ZC3H7A: variants seen among roughly 807,000 people sequenced by gnomAD.
The protein encoded by ZC3H7A is zinc finger CCCH-type containing 7A.
In ZC3H7A, 44 loss-of-function variants were observed where a neutral mutation model predicts 125.5. The ratio of observed to expected loss-of-function variants is 0.35; its 90% CI spans 0.28 to 0.45. ZC3H7A has a LOEUF of 0.45. Ranked by LOEUF, ZC3H7A falls within the 20% of genes least tolerant of loss-of-function variation. ZC3H7A has a pLI of 1.00. For synonymous variants in ZC3H7A, 399 were observed against 391.2 expected (o/e 1.02, Z -0.23); for missense variants, 977 against 1,170.7 (o/e 0.83, Z 2.41).
chr16:11,791,383 A>G (rs2141222207), intron 1 of ZC3H7A, among the ~76,000 whole-genome samples: 1 of 152,226 alleles, frequency 6.6e-6, no homozygotes, highest in African/African-American at 2.4e-5. Flanking sequence ...AGCTCTTCAC[A>G]GAGCTGCCTC....
chr16:11,756,828 AC>A (rs2052657057), intron 20 of ZC3H7A, among the ~76,000 whole-genome samples: 1 of 152,150 alleles, frequency 6.6e-6, no homozygotes, highest in South Asian at 2.1e-4. Context: ...CTACTACTGG[AC>A]CAAGATTCTG....
chr16:11,751,661 G>C (rs1244559227), intron 22 of ZC3H7A, among the ~76,000 whole-genome samples, 155 bp from the exon 23 acceptor site: 1 of 152,104 alleles, frequency 6.6e-6, no homozygotes, highest in East Asian at 1.9e-4. Flanking sequence ...TTATAGCCAT[G>C]ACATCTACAA....
chr16:11,770,950 C>T lies in ZC3H7A; in HGVS notation c.941G>A (p.Ser314Asn). ...CGAAAAGGGCATGCTAGGAGAGACACTGGCTGTCTGAAGGGGTCCTCTGAC... is the reference window on the plus strand; with the variant it reads ...CGAAAAGGGCATGCTAGGAGAGACATTGGCTGTCTGAAGGGGTCCTCTGAC... ...ALVRGPLQTA[S>N]VSPSMPFSAS... The change falls in exon 10 of 23, where the codon AGT becomes AAT. Residue 314 changes from serine to asparagine, a missense_variant. Transcript: ENST00000355758. 1 of 1,613,528 alleles carries T rather than the reference C, an allele frequency of 6.2e-7. No homozygotes were observed. Among genetic ancestry groups the T allele is most frequent in the Non-Finnish European group, 8.5e-7 (1 of 1,179,726 alleles).
At position 11,765,299 on chromosome 16, in the gene ZC3H7A, T is replaced by C. The variant is rs2052835807; in HGVS notation, c.1720-146A>G. 2 of 660,280 alleles carry C rather than the reference T, an allele frequency of 3.0e-6. No homozygotes were observed. Among genetic ancestry groups the C allele is most frequent in the Admixed American group, 3.8e-5 (1 of 26,568 alleles). The allele number at this position is 660,280 out of a possible 1,614,324, so 40.9% of individuals were successfully genotyped here. On this transcript the variant is annotated intron_variant, in intron 14 of 22. Coordinates refer to ENST00000355758, the MANE Select transcript of ZC3H7A (RefSeq NM_014153.4). The surrounding 1 kb of genome is among the most constrained non-coding windows in gnomAD (Gnocchi z 4.8). ...TTTTGGTAACAGTAATAGCCAACAT[T>C]TACTGAATGAATGTTTTATCACATG...
At position 11,781,472 on chromosome 16, in the gene ZC3H7A, G is replaced by A. The variant is rs779654200; in HGVS notation, c.69-8C>T. On this transcript the variant is annotated splice_polypyrimidine_tract_variant and splice_region_variant and intron_variant, in intron 2 of 22. Transcript: ENST00000355758. ...GGATATGACAGCGGTGACCTAAGAAGAAGAAACAAATTAACTGTAATTATC... is the reference window on the plus strand; with the variant it reads ...GGATATGACAGCGGTGACCTAAGAAAAAGAAACAAATTAACTGTAATTATC... The A allele has an allele frequency of 6.2e-7, 1 of 1,602,142 alleles. No homozygotes were observed. Among genetic ancestry groups the A allele is most frequent in the Non-Finnish European group, 8.5e-7 (1 of 1,171,878 alleles).
At chr16:11,774,675 G>A (rs1412609375) in intron 8 of ZC3H7A, among the ~76,000 whole-genome samples, 156 bp from the exon 9 acceptor site, 2 of 152,144 alleles carry the variant, frequency 1.3e-5, no homozygotes, top group Non-Finnish European at 1.5e-5. Context: ...AACAGATACA[G>A]TCACGTGTGA....
At chr16:11,756,191 C>T (rs751085961) in intron 21 of ZC3H7A, 46 bp downstream of exon 21, 23 of 1,577,708 alleles carry the variant, frequency 1.5e-5, no homozygotes, top group Non-Finnish European at 2.0e-5. Context: ...AGAAAGGCTC[C>T]ATCAATGGCT....
At chr16:11,755,195 G>A (rs9934885) in intron 21 of ZC3H7A, among the ~76,000 whole-genome samples, 5,145 of 145,716 alleles carry the variant, frequency 0.035, 324 homozygotes, top group African/African-American at 0.12. Context: ...GGGCAACAGA[G>A]TAAGACTCCA....
In ZC3H7A at chr16:11,765,079, A is replaced by G. The variant is rs760466659; in HGVS notation, c.1794T>C (p.Val598=). The G allele has an allele frequency of 1.4e-5, 23 of 1,589,456 alleles. No homozygotes were observed. The highest frequency in any genetic ancestry group is 1.9e-5 in the Non-Finnish European group (22 of 1,169,344). The change falls in exon 15 of 23, where the codon GTT becomes GTC. Residue 598 remains valine, a synonymous_variant. Coordinates refer to ENST00000355758, the MANE Select transcript of ZC3H7A (RefSeq NM_014153.4). The surrounding 1 kb of genome is among the most constrained non-coding windows in gnomAD (Gnocchi z 4.8). ...TATTGTCTTCAAACTCATGCTTTGT[A>G]ACCGGGTGAGAACAAGCAGTAGAAT... ...KDNSTACSHP[V]TKHEFEDNKC...
At chr16:11,771,011 T>G in intron 9 of ZC3H7A, 24 bp from the exon 10 acceptor site, 1 of 1,580,082 alleles carries the variant, frequency 6.3e-7, no homozygotes, top group East Asian at 2.2e-5. Context: ...AAAGATGTGA[T>G]TAAAATTCAT....
intron 20 of ZC3H7A, among the ~76,000 whole-genome samples, chr16:11,757,738 C>T (rs1192863432): frequency 2.6e-5 from 4 of 152,172 alleles, no homozygotes; most frequent in African/African-American, 9.7e-5. Flanking sequence ...GCCTCACTCC[C>T]AGCAAGACAG....
At chr16:11,756,512 A>C (rs1259787398) in intron 20 of ZC3H7A, 142 bp from the exon 21 acceptor site, 4 of 1,062,928 alleles carry the variant, frequency 3.8e-6, no homozygotes, top group Non-Finnish European at 5.3e-6. Flanking sequence ...TTAGACATGG[A>C]GAGATCACCC....
chr16:11,755,674 T>G (rs1309328492), intron 21 of ZC3H7A, among the ~76,000 whole-genome samples: 1 of 152,076 alleles, frequency 6.6e-6, no homozygotes, highest in African/African-American at 2.4e-5. Flanking sequence ...CTACCCAGGG[T>G]GCCAGGCAAG....
At chr16:11,795,740 T>C (rs2053426696) in intron 1 of ZC3H7A, among the ~76,000 whole-genome samples, 2 of 152,020 alleles carry the variant, frequency 1.3e-5, no homozygotes, top group Non-Finnish European at 2.9e-5. Flanking sequence ...GCCCGGCCCG[T>C]ATATGTCATT....
chr16:11,794,933 G>A (rs956682146), intron 1 of ZC3H7A, among the ~76,000 whole-genome samples: 8 of 151,024 alleles, frequency 5.3e-5, no homozygotes, highest in African/African-American at 1.7e-4. Flanking sequence ...CCAACGAAAA[G>A]TCACAGTAAC....
At chr16:11,780,117 T>C (rs2053150741) in intron 3 of ZC3H7A, among the ~76,000 whole-genome samples, 1 of 147,640 alleles carries the variant, frequency 6.8e-6, no homozygotes, top group Non-Finnish European at 1.5e-5. Flanking sequence ...TTAGTTCTTT[T>C]TTTTCTTTTC....
At chr16:11,796,819 T>C (rs570302812) in intron 1 of ZC3H7A, 10 of 151,946 alleles carry the variant, frequency 6.6e-5, no homozygotes, top group African/African-American at 2.2e-4. Context: ...AAAAATTTTT[T>C]TTTAGTGAAA....
chr16:11,771,136 C>T lies in ZC3H7A; in HGVS notation c.904-149G>A, dbSNP rs1596389708. 7.4e-6 allele frequency: 6 copies of T among 812,610 alleles called. No homozygotes were observed. In the East Asian group the frequency reaches 1.6e-4, roughly 22 times the overall value. The allele number at this position is 812,610 out of a possible 1,614,324, so 50.3% of individuals were successfully genotyped here. A position where few individuals can be genotyped will look rare whatever the true frequency, so the allele number is the denominator to read the frequency against. On this transcript the variant is annotated intron_variant, in intron 9 of 22. Coordinates refer to ENST00000355758, the MANE Select transcript of ZC3H7A (RefSeq NM_014153.4). ...AGGCCAGGCATGGTGGCCTGTAATC[C>T]TAACACTTTGGGAGGCTACGGCAGG...
At chr16:11,779,076 A>T in intron 4 of ZC3H7A, 90 bp downstream of exon 4, 1 of 1,146,100 alleles carries the variant, frequency 8.7e-7, no homozygotes, top group Non-Finnish European at 1.2e-6. Context: ...CTTTCTTAAA[A>T]ACTTAAGAAA....
Sources: gnomAD v4.1 joint callset for allele counts (sites outside exome capture counted in the v4.1 genomes callset) on GRCh38, gnomAD v4.1.1 for gene constraint, Gnocchi (gnomAD v3.1) non-coding constraint, MANE v1.5 for transcripts, NCBI Gene and HGNC (gene_info 2026-07-23, HGNC 2026-07-21) for gene names.